PCDHA10: variants seen among roughly 807,000 people sequenced by gnomAD.
PCDHA10 encodes the protein protocadherin alpha 10, also known as protocadherin alpha-10.
Under a neutral mutation model 61.2 loss-of-function variants are expected in PCDHA10, and 45 were observed. The ratio of observed to expected loss-of-function variants is 0.74; its 90% CI spans 0.58 to 0.94. PCDHA10 has a LOEUF of 0.94. Among genes scored for constraint, PCDHA10 ranks in the 40% least tolerant of loss-of-function variants. The pLI, the probability that PCDHA10 is intolerant of heterozygous loss-of-function variation, is 0.00. For synonymous variants in PCDHA10, 602 were observed against 548.8 expected, an observed-to-expected ratio of 1.10 and a Z score of -1.35; for missense variants, 1,278 against 1,236.2, an observed-to-expected ratio of 1.03 and a Z score of -0.51.
rs189155751 is a variant in PCDHA10 at position 140,943,432 on chromosome 5, T to C, written c.2389-35517T>C. 2.8e-3 allele frequency among the ~76,000 whole-genome samples: 419 copies of C among 152,174 alleles called. 2 individuals carry two copies. The highest frequency in any genetic ancestry group is 0.014 in the Middle Eastern group (4 of 294). Reference sequence around the variant, plus strand: ...ACTAGAGGCAAGGGCTTTAATATGATATAAAGGATAGAATTGATAAGGCTA... The same window carrying C: ...ACTAGAGGCAAGGGCTTTAATATGACATAAAGGATAGAATTGATAAGGCTA... On this transcript the variant is annotated intron_variant, in intron 1 of 3. Coordinates refer to ENST00000307360, the MANE Select transcript of PCDHA10 (RefSeq NM_018901.4).
intron 1 of PCDHA10, chr5:140,882,806 T>A: frequency 6.2e-7 from 1 of 1,614,218 alleles, no homozygotes; most frequent in Non-Finnish European, 8.5e-7. Flanking sequence ...TTATTTCACT[T>A]TGGACGCACA....
At chr5:140,870,627 G>A (rs782093554) in intron 1 of PCDHA10, 17 of 1,612,908 alleles carry the variant, frequency 1.1e-5, no homozygotes, top group Middle Eastern at 1.7e-4. Flanking sequence ...GCTACGTGTC[G>A]GTGCACGCGG....
At chr5:140,875,844 G>A in intron 1 of PCDHA10, 1 of 1,614,178 alleles carries the variant, frequency 6.2e-7, no homozygotes, top group Non-Finnish European at 8.5e-7. Flanking sequence ...TGGAGGTGAA[G>A]GACATTAACG....
chr5:140,891,934 T>C lies in PCDHA10; in HGVS notation c.2388+33498T>C, dbSNP rs373423866. Among the ~76,000 whole-genome samples the C allele has an allele frequency of 5.9e-5, 9 of 152,230 alleles. No homozygotes were observed. The East Asian group carries it at 9.6e-4, about 16-fold the overall frequency. ...AGATGCTGGTGCCTTGATCTTGGAC[T>C]TCCCCTAGGCTCCAGAATTGTGAGA... On this transcript the variant is annotated intron_variant, in intron 1 of 3. Transcript: ENST00000307360.
intron 3 of PCDHA10, among the ~76,000 whole-genome samples, chr5:140,983,986 G>A (rs1475891501): frequency 2.0e-5 from 3 of 152,176 alleles, no homozygotes; most frequent in African/African-American, 7.2e-5. Context: ...ACGAGTTGAA[G>A]CAATTCATTA....
chr5:140,893,432 C>T (rs1280374649), intron 1 of PCDHA10, among the ~76,000 whole-genome samples: 5 of 151,946 alleles, frequency 3.3e-5, no homozygotes, highest in Non-Finnish European at 7.4e-5. Flanking sequence ...GCAGGAAGAT[C>T]GCTTGAAGCC....
At chr5:140,876,368 CA>C in intron 1 of PCDHA10, 1 of 1,613,904 alleles carries the variant, frequency 6.2e-7, no homozygotes. Flanking sequence ...AATCCAGACA[CA>C]GGTGAAATTA....
Position 140,982,561 on chromosome 5 carries a change from C to T in PCDHA10, c.2534C>T (p.Pro845Leu), listed in dbSNP as rs560422677. 11 of 1,614,060 alleles carry T rather than the reference C, an allele frequency of 6.8e-6. No individual in the cohort carries two copies. Among genetic ancestry groups the T allele is most frequent in the Non-Finnish European group, 9.3e-6 (11 of 1,179,970 alleles). Residue 845 changes from proline to leucine, a missense_variant and splice_region_variant, in exon 3 of 4, where the codon CCA becomes CTA. Pro to Leu is a moderately conservative substitution (Grantham distance 98). Coordinates refer to ENST00000307360, the MANE Select transcript of PCDHA10 (RefSeq NM_018901.4). Reference protein sequence around the residue: ...QQWPTVSSATPEPEAGEVSPP... With the variant: ...QQWPTVSSATLEPEAGEVSPP... ...TGGCCAACAGTATCCAGTGCAACAC[C>T]AGGTAAAGAGCTGGGGTCTCTCCAT...
intron 1 of PCDHA10, among the ~76,000 whole-genome samples, chr5:140,943,548 G>A (rs1280986902): frequency 6.6e-6 from 1 of 152,152 alleles, no homozygotes; most frequent in African/African-American, 2.4e-5. Context: ...GTAAATAGAC[G>A]TAGACAATAA....
At chr5:140,902,846 A>G (rs1119032) in intron 1 of PCDHA10, among the ~76,000 whole-genome samples, 22,643 of 152,174 alleles carry the variant, frequency 0.15, 1,744 homozygotes, top group Middle Eastern at 0.2. Flanking sequence ...CTTCACTTAG[A>G]AAAATGGCGT....
intron 1 of PCDHA10, among the ~76,000 whole-genome samples, chr5:140,925,455 T>C (rs1367623051): frequency 6.6e-6 from 1 of 152,106 alleles, no homozygotes; most frequent in Non-Finnish European, 1.5e-5. Flanking sequence ...GGTGTATCTG[T>C]TGTGGCTCAG....
intron 1 of PCDHA10, among the ~76,000 whole-genome samples, chr5:140,953,652 G>A (rs2094921965): frequency 6.6e-6 from 1 of 152,102 alleles, no homozygotes; most frequent in South Asian, 2.1e-4. Context: ...AGCTATAGTT[G>A]TTATCTCTGG....
At chr5:140,926,618 G>T in intron 1 of PCDHA10, 1 of 382,578 alleles carries the variant, frequency 2.6e-6, no homozygotes, top group Non-Finnish European at 4.6e-6. Flanking sequence ...TGCACCCCTA[G>T]GCGGCGCTGC....
intron 1 of PCDHA10, among the ~76,000 whole-genome samples, chr5:140,925,210 C>G (rs1319343041): frequency 1.3e-5 from 2 of 152,122 alleles, no homozygotes; most frequent in Admixed American, 6.5e-5. Context: ...ATTATCGATA[C>G]TTTTAGGCAG....
At chr5:140,993,571 G>A (rs1298531948) in intron 3 of PCDHA10, among the ~76,000 whole-genome samples, 1 of 151,484 alleles carries the variant, frequency 6.6e-6, no homozygotes, top group Non-Finnish European at 1.5e-5. Flanking sequence ...TCCTTTCTAG[G>A]GATGCTTTTC....
intron 2 of PCDHA10, among the ~76,000 whole-genome samples, chr5:140,980,855 C>T (rs1313101029): frequency 2.6e-5 from 4 of 151,960 alleles, no homozygotes; most frequent in South Asian, 2.1e-4. Flanking sequence ...TAATCTTTTT[C>T]GTATGTGTGC....
At chr5:140,967,718 C>G (rs959323631) in intron 1 of PCDHA10, 1 of 1,613,988 alleles carries the variant, frequency 6.2e-7, no homozygotes, top group Non-Finnish European at 8.5e-7. Flanking sequence ...CGGGGAAGTG[C>G]GAGTAATTGG....
chr5:140,883,391 T>C (rs1301270294), intron 1 of PCDHA10: 8 of 1,614,052 alleles, frequency 5.0e-6, no homozygotes, highest in Non-Finnish European at 6.8e-6. Flanking sequence ...AATCAGTGTG[T>C]CCGATCGTGA....
intron 3 of PCDHA10, among the ~76,000 whole-genome samples, chr5:141,003,801 A>T (rs1554259323): frequency 1.3e-5 from 2 of 152,172 alleles, no homozygotes; most frequent in African/African-American, 4.8e-5. Context: ...ATTGGGTTGT[A>T]ATCTGTAGTC....
Sources: allele counts gnomAD v4.1 joint callset (sites outside exome capture counted in the v4.1 genomes callset), GRCh38; gene constraint gnomAD v4.1.1; transcripts MANE v1.5; gene names NCBI Gene and HGNC (gene_info 2026-07-23, HGNC 2026-07-21).